Variants in SLCO4C1 observed in about 807,000 individuals in gnomAD.
SLCO4C1 encodes solute carrier organic anion transporter family member 4C1, also known as organic anion transporter M1.
A neutral mutation model predicts 72.1 loss-of-function variants in SLCO4C1; 58 were observed. The observed-to-expected ratio is 0.80, with a 90% CI of 0.65 to 1.00. SLCO4C1 has a LOEUF of 1.00. Ranked by LOEUF, SLCO4C1 falls within the 50% of genes least tolerant of loss-of-function variation. The pLI is 0.00. For missense variants in SLCO4C1, 898 were observed against 857.9 expected (o/e 1.05, Z -0.58); for synonymous variants, 297 against 312.5 (o/e 0.95, Z 0.52).
At chr5:102,272,514 C>G (rs548254845) in intron 2 of SLCO4C1, among the ~76,000 whole-genome samples, 52 of 152,022 alleles carry the variant, frequency 3.4e-4, no homozygotes, top group African/African-American at 1.2e-3. Context: ...AAAAGAAAAA[C>G]AAATGGCTAG....
intron 2 of SLCO4C1, among the ~76,000 whole-genome samples, chr5:102,283,761 C>T (rs1749398898): frequency 6.6e-6 from 1 of 151,920 alleles, no homozygotes; most frequent in Non-Finnish European, 1.5e-5. Context: ...CATTAAGAGC[C>T]TAATGCCTTG....
chr5:102,255,387 T>TA (rs1167930382), intron 8 of SLCO4C1, among the ~76,000 whole-genome samples: 1 of 152,198 alleles, frequency 6.6e-6, no homozygotes, highest in Non-Finnish European at 1.5e-5. Context: ...AACTATGTGT[T>TA]AAACTATCCA....
chr5:102,247,917 C>CTTTTTT (rs55692838), intron 9 of SLCO4C1, among the ~76,000 whole-genome samples: 8 of 107,432 alleles, frequency 7.4e-5, no homozygotes, highest in Admixed American at 2.0e-4. Context: ...AGGCCAGAAA[C>CTTTTTT]TTTTTTTTTT....
At chr5:102,260,142 T>G in intron 6 of SLCO4C1, 71 bp downstream of exon 6, 2 of 341,808 alleles carry the variant, frequency 5.9e-6, no homozygotes, top group Non-Finnish European at 9.7e-6. Context: ...CATATGTACA[T>G]GTGAGGTGTG....
intron 11 of SLCO4C1, 87 bp downstream of exon 11, chr5:102,240,631 T>C (rs1403478199): frequency 9.8e-7 from 1 of 1,020,352 alleles, no homozygotes; most frequent in Non-Finnish European, 1.5e-6. Flanking sequence ...ATAATTTTTT[T>C]TGCCACAGGC....
intron 12 of SLCO4C1, 60 bp from the exon 13 acceptor site, chr5:102,237,078 CTG>C: frequency 6.9e-7 from 1 of 1,446,252 alleles, no homozygotes; most frequent in East Asian, 2.5e-5. Flanking sequence ...AAAATTATCA[CTG>C]AGAAAAATCT....
chr5:102,252,998 T>A (rs577152102), intron 8 of SLCO4C1, among the ~76,000 whole-genome samples: 205 of 152,312 alleles, frequency 1.3e-3, no homozygotes, highest in Non-Finnish European at 2.2e-3. Flanking sequence ...TCTATAATTA[T>A]GCCTCTATAA....
At chr5:102,244,511 G>A (rs1005123865) in intron 10 of SLCO4C1, among the ~76,000 whole-genome samples, 5 of 152,058 alleles carry the variant, frequency 3.3e-5, no homozygotes, top group Admixed American at 2.6e-4. Context: ...CAAACCTAGA[G>A]AAAGATATCA....
At chr5:102,246,067 C>T (rs897820353) in intron 10 of SLCO4C1, among the ~76,000 whole-genome samples, 2 of 150,784 alleles carry the variant, frequency 1.3e-5, no homozygotes, top group African/African-American at 2.4e-5. Context: ...TATAGCTATA[C>T]ATCAAAAAAA....
chr5:102,249,610 T>G (rs1561367628), intron 9 of SLCO4C1, 28 bp downstream of exon 9: 1 of 1,612,350 alleles, frequency 6.2e-7, no homozygotes, highest in East Asian at 2.2e-5. Flanking sequence ...ATTGCCTCAT[T>G]AAGGGAAAAG....
At chr5:102,279,594 T>C (rs1420412208) in intron 2 of SLCO4C1, among the ~76,000 whole-genome samples, 1 of 151,806 alleles carries the variant, frequency 6.6e-6, no homozygotes, top group Admixed American at 6.6e-5. Context: ...CCACAAAAAC[T>C]ACAAAGCCAA....
chr5:102,283,726 G>T (rs971117223), intron 2 of SLCO4C1, among the ~76,000 whole-genome samples: 2 of 151,932 alleles, frequency 1.3e-5, no homozygotes, highest in South Asian at 4.1e-4. Flanking sequence ...AAAAGTCCAT[G>T]AAAAGAGAAT....
At chr5:102,280,962 C>G (rs927333808) in intron 2 of SLCO4C1, among the ~76,000 whole-genome samples, 1 of 151,948 alleles carries the variant, frequency 6.6e-6, no homozygotes, top group Non-Finnish European at 1.5e-5. Context: ...TAGATATAGA[C>G]AAGATTATTC....
chr5:102,237,109 T>A, intron 12 of SLCO4C1, 91 bp from the exon 13 acceptor site: 1 of 1,250,500 alleles, frequency 8.0e-7, no homozygotes, highest in Admixed American at 3.0e-5. Context: ...AGAACATTTT[T>A]AAAGAGAATA....
chr5:102,268,521 C>T (rs1178509623), intron 3 of SLCO4C1, among the ~76,000 whole-genome samples: 1 of 152,118 alleles, frequency 6.6e-6, no homozygotes, highest in East Asian at 1.9e-4. Context: ...TTCTAGGCAG[C>T]ATATGGTTAG....
At chr5:102,283,755 A>G (rs539742923) in intron 2 of SLCO4C1, among the ~76,000 whole-genome samples, 8 of 152,068 alleles carry the variant, frequency 5.3e-5, no homozygotes, top group Non-Finnish European at 1.2e-4. Context: ...TTTTAACATT[A>G]AGAGCCTAAT....
At chr5:102,271,609 AATATAT>A (rs1397652667) in intron 2 of SLCO4C1, among the ~76,000 whole-genome samples, 1 of 151,458 alleles carries the variant, frequency 6.6e-6, no homozygotes, top group Admixed American at 6.6e-5. Flanking sequence ...ATTGGTTAAA[AATATAT>A]ATATATAATT....
Position 102,270,822 on chromosome 5 carries a change from A to AT in SLCO4C1, c.620-17_620-16insA. On this transcript the variant is annotated splice_polypyrimidine_tract_variant and intron_variant, in intron 2 of 12. Coordinates refer to ENST00000310954, the MANE Select transcript of SLCO4C1 (RefSeq NM_180991.5). ...ACACAAGTGTCTTTGTGGAAAAAAA[A>AT]ATTGTGAATTTATAGAAATTCAGCT... 1 of 1,541,952 alleles carries AT rather than the reference A, an allele frequency of 6.5e-7. No homozygotes were observed. The highest frequency in any genetic ancestry group is 8.7e-7 in the Non-Finnish European group (1 of 1,146,274).
intron 3 of SLCO4C1, 89 bp downstream of exon 3, chr5:102,270,535 T>A: frequency 8.3e-7 from 1 of 1,199,376 alleles, no homozygotes. Flanking sequence ...TACAACTAAC[T>A]TTTTAGTAAG....
Sources: gnomAD v4.1 joint callset for allele counts (sites outside exome capture counted in the v4.1 genomes callset) on GRCh38, gnomAD v4.1.1 for gene constraint, MANE v1.5 for transcripts, NCBI Gene and HGNC (gene_info 2026-07-23, HGNC 2026-07-21) for gene names.